Variants in PCCA observed in about 807,000 individuals in gnomAD.
The protein encoded by PCCA is propionyl-CoA carboxylase alpha chain, mitochondrial.
In PCCA, 74 loss-of-function variants were observed where a neutral mutation model predicts 101.3. The ratio of observed to expected loss-of-function variants is 0.73; its 90% CI spans 0.61 to 0.89. The LOEUF (loss-of-function observed/expected upper bound fraction) is 0.89. Ranked by LOEUF, PCCA falls within the 40% of genes least tolerant of loss-of-function variation. The pLI is 0.00. For missense variants in PCCA, 891 were observed against 907.0 expected, an observed-to-expected ratio of 0.98 and a Z score of 0.23; for synonymous variants, 294 against 313.6, an observed-to-expected ratio of 0.94 and a Z score of 0.66.
intron 18 of PCCA, among the ~76,000 whole-genome samples, chr13:100,365,449 G>A (rs2075070287): frequency 6.6e-6 from 1 of 152,210 alleles, no homozygotes; most frequent in Non-Finnish European, 1.5e-5. Flanking sequence ...GATCAGCAAT[G>A]TTCCAATGCC....
chr13:100,109,592 C>T (rs570785906), intron 2 of PCCA, among the ~76,000 whole-genome samples: 1 of 152,288 alleles, frequency 6.6e-6, no homozygotes, highest in South Asian at 2.1e-4. Flanking sequence ...GATATGCTTA[C>T]TGTTTAAGAG....
At chr13:100,273,477 T>C (rs2063445800) in intron 12 of PCCA, 131 bp downstream of exon 12, 1 of 740,240 alleles carries the variant, frequency 1.4e-6, no homozygotes, top group Non-Finnish European at 2.3e-6. Context: ...TTTTTATGCT[T>C]GTGCTAAGAC....
rs2066767847 is a variant in PCCA, at chr13:100,309,853, T to C, written c.1374T>C (p.Asp458=). The change falls in exon 16 of 24, where the codon GAT becomes GAC. Residue 458 remains aspartate (D), a synonymous_variant. Coordinates refer to ENST00000376285, the MANE Select transcript of PCCA (RefSeq NM_000282.4). ...TTTAGCTAATCACATATGGCTCTGA[T>C]AGAACTGAGGCACTGAAGAGAATGG... ...MISKLITYGS[D]RTEALKRMAD... is the part of the protein sequence containing the mutation. 6.2e-7 allele frequency: 1 copy of C among 1,613,148 alleles called. No individual in the cohort carries two copies. The highest frequency in any genetic ancestry group is 8.5e-7 in the Non-Finnish European group (1 of 1,179,188).
chr13:100,354,084 A>AATG (rs1423194236), intron 18 of PCCA, among the ~76,000 whole-genome samples: 3 of 118,506 alleles, frequency 2.5e-5, no homozygotes, highest in Non-Finnish European at 5.7e-5. Flanking sequence ...AAATAATAAT[A>AATG]ATAATAATAA....
chr13:100,121,205 G>A (rs1432780505), intron 4 of PCCA, among the ~76,000 whole-genome samples: 1 of 143,920 alleles, frequency 6.9e-6, no homozygotes, highest in East Asian at 2.0e-4. Flanking sequence ...CACCCAGGCT[G>A]GAGTGTCGTG....
At chr13:100,245,060 A>G (rs1055687879) in intron 8 of PCCA, among the ~76,000 whole-genome samples, 1 of 151,982 alleles carries the variant, frequency 6.6e-6, no homozygotes, top group Non-Finnish European at 1.5e-5. Context: ...ATTGATGCAA[A>G]TGTGCATCAC....
Position 100,458,584 on chromosome 13 carries a change from A to G in PCCA, c.1899+9279A>G, listed in dbSNP as rs78999888. Among the ~76,000 whole-genome samples the G allele has an allele frequency of 4.4e-3, 668 of 152,238 alleles. 33 individuals carry two copies. In the East Asian group the frequency reaches 0.098, roughly 22 times the overall value. ...CAAGAGTTCAAGGCTATAGTGAGGT[A>G]TGATTACTCCACTTCACTCCAGCCT... On this transcript the variant is annotated intron_variant, in intron 21 of 23. Transcript: ENST00000376285.
intron 11 of PCCA, among the ~76,000 whole-genome samples, chr13:100,270,663 T>C (rs914348533): frequency 2.6e-5 from 4 of 152,174 alleles, no homozygotes; most frequent in Non-Finnish European, 2.9e-5. Flanking sequence ...CTGATATGTA[T>C]TTGTACACTG....
chr13:100,269,565 G>A (rs1275493806), intron 11 of PCCA, among the ~76,000 whole-genome samples: 1 of 152,000 alleles, frequency 6.6e-6, no homozygotes, highest in East Asian at 1.9e-4. Context: ...TGGTGTATGG[G>A]GCCTCATTTC....
chr13:100,527,175 G>T, intron 22 of PCCA: 5 of 401,976 alleles, frequency 1.2e-5, no homozygotes, highest in South Asian at 9.4e-5. Flanking sequence ...GTACGATTCG[G>T]TGGTTTCAGT....
intron 21 of PCCA, among the ~76,000 whole-genome samples, chr13:100,509,800 T>G (rs893490876): frequency 1.3e-5 from 2 of 151,538 alleles, no homozygotes; most frequent in African/African-American, 4.9e-5. Context: ...AGCATAGTGG[T>G]GGTGTGGGTT....
At chr13:100,484,141 C>T (rs1046532207) in intron 21 of PCCA, among the ~76,000 whole-genome samples, 5 of 152,028 alleles carry the variant, frequency 3.3e-5, no homozygotes, top group Admixed American at 3.3e-4. Context: ...GAAAACTGGC[C>T]GCTTTCCTGC....
chr13:100,296,956 T>C (rs1432843765), intron 12 of PCCA, among the ~76,000 whole-genome samples: 2 of 152,242 alleles, frequency 1.3e-5, no homozygotes, highest in Non-Finnish European at 2.9e-5. Flanking sequence ...TTATTCTCTC[T>C]CAATCTGGAA....
chr13:100,117,193 G>A (rs1171714459), intron 4 of PCCA, among the ~76,000 whole-genome samples: 1 of 151,986 alleles, frequency 6.6e-6, no homozygotes, highest in African/African-American at 2.4e-5. Flanking sequence ...AGATTTTCCT[G>A]ATGAATACTG....
intron 21 of PCCA, among the ~76,000 whole-genome samples, chr13:100,507,545 C>T (rs2086172626): frequency 6.6e-6 from 1 of 152,178 alleles, no homozygotes; most frequent in Non-Finnish European, 1.5e-5. Flanking sequence ...CAGTTTTAGG[C>T]CTCTCTTATG....
rs117863970 is a variant in PCCA at position 100,468,306 on chromosome 13, T to C, written c.1899+19001T>C. Among the ~76,000 whole-genome samples the C allele has an allele frequency of 3.9e-5, 6 of 152,274 alleles. No individual in the cohort carries two copies. In the East Asian group the frequency reaches 1.2e-3, roughly 29 times the overall value. ...TCAGAATGGTAAGTGAGCACTGGCT[T>C]CAACTAAAAGTCAGCAGTTGCATTA... is the stretch of plus-strand genomic sequence containing the variant. On this transcript the variant is annotated intron_variant, in intron 21 of 23. Coordinates refer to ENST00000376285, the MANE Select transcript of PCCA (RefSeq NM_000282.4).
chr13:100,135,549 G>T (rs1321510340), intron 4 of PCCA, among the ~76,000 whole-genome samples: 1 of 152,142 alleles, frequency 6.6e-6, no homozygotes, highest in Non-Finnish European at 1.5e-5. Context: ...TTAGTTCTAG[G>T]AGTATTTTCG....
rs1429925324 is a variant in PCCA, at chr13:100,478,435, C to G, written c.1899+29130C>G. On this transcript the variant is annotated intron_variant, in intron 21 of 23. Coordinates refer to ENST00000376285, the MANE Select transcript of PCCA (RefSeq NM_000282.4). ...TAGCTTCTCAGCCCTCTTCTTGATG[C>G]TGGGCGGGTGCCTGGGAGGCCCCAC... Among the ~76,000 whole-genome samples the G allele has an allele frequency of 6.6e-5, 10 of 152,192 alleles. No homozygotes were observed. In the South Asian group the frequency reaches 1.2e-3, roughly 19 times the overall value.
chr13:100,497,910 C>T (rs1385102823), intron 21 of PCCA, among the ~76,000 whole-genome samples: 1 of 151,760 alleles, frequency 6.6e-6, no homozygotes, highest in African/African-American at 2.4e-5. Flanking sequence ...ACTCTGTCAC[C>T]CAGGCTGGAG....
Sources: allele counts gnomAD v4.1 joint callset (sites outside exome capture counted in the v4.1 genomes callset), GRCh38; gene constraint gnomAD v4.1.1; transcripts MANE v1.5; gene names NCBI Gene and HGNC (gene_info 2026-07-23, HGNC 2026-07-21).